USP34: variants seen among roughly 807,000 people sequenced by gnomAD.
USP34 encodes the protein ubiquitin specific peptidase 34.
USP34 carries 70 observed loss-of-function variants against 460.3 expected under a neutral mutation model. That is an observed-to-expected ratio of 0.15 (90% confidence interval 0.13 to 0.19). The LOEUF (loss-of-function observed/expected upper bound fraction) is 0.19. Among genes scored for constraint, USP34 ranks in the 10% least tolerant of loss-of-function variants. The pLI, the probability that USP34 is intolerant of heterozygous loss-of-function variation, is 1.00. For synonymous variants in USP34, 1,647 were observed against 1,405.3 expected, an observed-to-expected ratio of 1.17 and a Z score of -3.85; for missense variants, 3,985 against 4,236.2, an observed-to-expected ratio of 0.94 and a Z score of 1.65.
At chr2:61,383,793 T>A (rs1048232514) in intron 5 of USP34, among the ~76,000 whole-genome samples, 1 of 152,178 alleles carries the variant, frequency 6.6e-6, no homozygotes, top group Non-Finnish European at 1.5e-5. Flanking sequence ...TTATCAATTA[T>A]GAAAAGAGTA....
chr2:61,387,464 CA>C (rs1693183735), intron 5 of USP34, among the ~76,000 whole-genome samples: 1 of 149,666 alleles, frequency 6.7e-6, no homozygotes, highest in South Asian at 2.1e-4. Flanking sequence ...GACTCTATCT[CA>C]AAAAAACAAC....
At chr2:61,419,581 G>C (rs746076084) in intron 2 of USP34, among the ~76,000 whole-genome samples, 1 of 152,100 alleles carries the variant, frequency 6.6e-6, no homozygotes, top group Non-Finnish European at 1.5e-5. Context: ...CCAATAACTA[G>C]TGATGAGATT....
intron 3 of USP34, among the ~76,000 whole-genome samples, chr2:61,402,072 C>T (rs990512132): frequency 4.6e-5 from 7 of 151,532 alleles, no homozygotes; most frequent in African/African-American, 1.7e-4. Flanking sequence ...TCTCGATAAA[C>T]CCCATAAACA....
At chr2:61,309,170 C>T (rs944233756) in intron 27 of USP34, among the ~76,000 whole-genome samples, 2 of 152,130 alleles carry the variant, frequency 1.3e-5, no homozygotes, top group East Asian at 1.9e-4. Flanking sequence ...AAAATTATTT[C>T]CAACTTAGAA....
chr2:61,229,373 G>C (rs1190822657), intron 59 of USP34, among the ~76,000 whole-genome samples, 175 bp downstream of exon 59: 2 of 148,166 alleles, frequency 1.3e-5, no homozygotes, highest in East Asian at 2.0e-4. Context: ...TGTAATCCTA[G>C]CAATTTGGGA....
At chr2:61,292,005 T>C (rs747224756) in intron 33 of USP34, among the ~76,000 whole-genome samples, 1 of 152,162 alleles carries the variant, frequency 6.6e-6, no homozygotes, top group Admixed American at 6.5e-5. Context: ...ATGTCCAGAA[T>C]GGGCAAATCC....
At chr2:61,364,445 G>A (rs939055717) in intron 10 of USP34, among the ~76,000 whole-genome samples, 1 of 152,184 alleles carries the variant, frequency 6.6e-6, no homozygotes, top group African/African-American at 2.4e-5. Flanking sequence ...TAGGTACAAA[G>A]TTGTTACTGG....
chr2:61,276,926 T>A (rs1189584020), intron 41 of USP34, among the ~76,000 whole-genome samples: 1 of 152,204 alleles, frequency 6.6e-6, no homozygotes, highest in Non-Finnish European at 1.5e-5. Context: ...ACACATTCAG[T>A]AACTTTAAGG....
intron 6 of USP34, among the ~76,000 whole-genome samples, chr2:61,380,568 C>T (rs1020838272): frequency 6.6e-6 from 1 of 150,812 alleles, no homozygotes; most frequent in African/African-American, 2.4e-5. Flanking sequence ...TTCCTCAAGG[C>T]CTGTAATGGA....
intron 1 of USP34, among the ~76,000 whole-genome samples, chr2:61,427,231 T>C (rs747693444): frequency 1.8e-4 from 27 of 152,342 alleles, no homozygotes; most frequent in Non-Finnish European, 3.1e-4. Context: ...GGTTTCACCA[T>C]GTTAGCCAGG....
intron 2 of USP34, among the ~76,000 whole-genome samples, chr2:61,407,240 G>C (rs191208837): frequency 6.8e-4 from 104 of 152,186 alleles, no homozygotes; most frequent in Non-Finnish European, 1.2e-3. Flanking sequence ...AAAAATTAAA[G>C]AATCAGCTAG....
At chr2:61,263,486 CTTT>C (rs762461093) in intron 43 of USP34, among the ~76,000 whole-genome samples, 31 of 137,680 alleles carry the variant, frequency 2.3e-4, no homozygotes, top group Non-Finnish European at 1.1e-4. Flanking sequence ...TGGCCAAAGG[CTTT>C]TTTTTTTTTT....
At chr2:61,248,720 T>C in intron 48 of USP34, 37 bp from the exon 49 acceptor site, 1 of 1,503,370 alleles carries the variant, frequency 6.7e-7, no homozygotes, top group Non-Finnish European at 8.9e-7. Context: ...AGATTATTTT[T>C]TACAAATACT....
Position 61,317,585 on chromosome 2 carries a change from T to C in USP34, c.3282+69A>G. The C allele has an allele frequency of 3.6e-6, 5 of 1,389,136 alleles. No individual in the cohort carries two copies. In the East Asian group the frequency reaches 9.3e-5, roughly 26 times the overall value. The allele number at this position is 1,389,136 out of a possible 1,614,324, so 86.1% of individuals were successfully genotyped here. On this transcript the variant is annotated intron_variant, in intron 23 of 79. Coordinates refer to ENST00000398571, the MANE Select transcript of USP34 (RefSeq NM_014709.4). ...ATTCTATACTTTGTAGAAAAATAAT[T>C]TGGAAACCGAATTTGATAATCTAAT...
chr2:61,437,668 G>A (rs987220231), intron 1 of USP34, among the ~76,000 whole-genome samples: 1 of 152,066 alleles, frequency 6.6e-6, no homozygotes, highest in Non-Finnish European at 1.5e-5. Flanking sequence ...AGCTAGTCGG[G>A]AGGCTGAGGC....
At chr2:61,456,723 C>A (rs1695451402) in intron 1 of USP34, among the ~76,000 whole-genome samples, 1 of 151,926 alleles carries the variant, frequency 6.6e-6, no homozygotes, top group South Asian at 2.1e-4. Context: ...GAGGCTGAGG[C>A]AGGAGGATAG....
intron 76 of USP34, among the ~76,000 whole-genome samples, chr2:61,192,000 T>C (rs1686659613): frequency 6.6e-6 from 1 of 152,218 alleles, no homozygotes; most frequent in South Asian, 2.1e-4. Flanking sequence ...GAGATGACTC[T>C]GATAAGGTCT....
At chr2:61,286,742 A>C (rs1689701564) in intron 34 of USP34, among the ~76,000 whole-genome samples, 2 of 152,222 alleles carry the variant, frequency 1.3e-5, no homozygotes, top group Admixed American at 1.3e-4. Flanking sequence ...GTCACCTATG[A>C]CTAGGGAAAA....
At chr2:61,328,788 ATACT>A (rs983612144) in intron 20 of USP34, among the ~76,000 whole-genome samples, 5 of 152,192 alleles carry the variant, frequency 3.3e-5, no homozygotes, top group Non-Finnish European at 7.3e-5. Context: ...TTCCTTTTTG[ATACT>A]TAACGTTGGA....
Sources: allele counts gnomAD v4.1 joint callset (sites outside exome capture counted in the v4.1 genomes callset), GRCh38; gene constraint gnomAD v4.1.1; transcripts MANE v1.5; gene names NCBI Gene and HGNC (gene_info 2026-07-23, HGNC 2026-07-21).